CMTM3: variants seen among roughly 807,000 people sequenced by gnomAD.
The protein encoded by CMTM3 is CKLF-like MARVEL transmembrane domain-containing protein 3.
A neutral mutation model predicts 18.2 loss-of-function variants in CMTM3; 7 were observed. That is an observed-to-expected ratio of 0.38 (90% CI 0.22 to 0.72). The LOEUF (loss-of-function observed/expected upper bound fraction) is 0.72, where lower values mean the gene tolerates loss of function less well. CMTM3 is among the 30% of genes least tolerant of loss of function. The pLI is 0.46. For synonymous variants in CMTM3, 109 were observed against 111.2 expected, an observed-to-expected ratio of 0.98 and a Z score of 0.12; for missense variants, 227 against 249.2, an observed-to-expected ratio of 0.91 and a Z score of 0.60.
rs981896521 is a variant in CMTM3 at position 66,613,826 on chromosome 16, C to T, written c.*1189C>T. ...ATCAGGCTTCAGTACAAACTGGTAACACCAATGTGGATCCTGACAGCTTTC... is the reference window on the plus strand; with the variant it reads ...ATCAGGCTTCAGTACAAACTGGTAATACCAATGTGGATCCTGACAGCTTTC... On this transcript the variant is annotated 3_prime_UTR_variant, in exon 5 of 5. Coordinates refer to ENST00000567572, the MANE Select transcript of CMTM3 (RefSeq NM_181553.4). 1.3e-5 allele frequency: 2 copies of T among 152,090 alleles called. No homozygotes were observed. The highest frequency in any genetic ancestry group is 2.9e-5 in the Non-Finnish European group (2 of 68,004). 9.4% of individuals were successfully genotyped at this position (152,090 alleles called of 1,614,324 possible).
rs2144730433 is a variant in CMTM3 at position 66,605,518 on chromosome 16, G to C, written c.147+566G>C. ...CCCTCGCCCCCACCCCGGCCGGTGG[G>C]GCTTCTTTGTCCTCTGGACACCGGA... On this transcript the variant is annotated intron_variant, in intron 1 of 4. Coordinates refer to ENST00000567572, the MANE Select transcript of CMTM3 (RefSeq NM_181553.4). This position sits in a 1 kb window ranked among gnomAD's most constrained non-coding sequence, Gnocchi z 4.6. The C allele has an allele frequency of 6.6e-6, 1 of 152,562 alleles. No homozygotes were observed. Among genetic ancestry groups the C allele is most frequent in the Admixed American group, 6.5e-5 (1 of 15,316 alleles). 9.5% of individuals were successfully genotyped at this position (152,562 alleles called of 1,614,324 possible). A position where few individuals can be genotyped will look rare whatever the true frequency, so the allele number is the denominator to read the frequency against.
In CMTM3 at chr16:66,612,331, C is replaced by T. The variant is rs957755138; in HGVS notation, c.521-278C>T. 6.6e-6 allele frequency among the ~76,000 whole-genome samples: 1 copy of T among 151,994 alleles called. No individual in the cohort carries two copies. ...AGGAAGTTGCAGTGAGTCGAGATCC[C>T]GCCATTGCACTCCAGCCTGGGTGAT... On this transcript the variant is annotated intron_variant, in intron 4 of 4. Coordinates refer to ENST00000567572, the MANE Select transcript of CMTM3 (RefSeq NM_181553.4). The surrounding 1 kb of genome is among the most constrained non-coding windows in gnomAD (Gnocchi z 6.0).
Position 66,605,127 on chromosome 16 carries a change from A to C in CMTM3, c.147+175A>C. 1.4e-5 allele frequency: 7 copies of C among 505,412 alleles called. No homozygotes were observed. The highest frequency in any genetic ancestry group is 2.1e-5 in the African/African-American group (1 of 48,754). 31.3% of individuals were successfully genotyped at this position (505,412 alleles called of 1,614,324 possible). A position where few individuals can be genotyped will look rare whatever the true frequency, so the allele number is the denominator to read the frequency against. On this transcript the variant is annotated intron_variant, in intron 1 of 4. Transcript: ENST00000567572. The surrounding 1 kb of genome is among the most constrained non-coding windows in gnomAD (Gnocchi z 4.6). ...GGCGAAGTTGGGTCGAGGTCCCCAA[A>C]CTTTGGACGGCGGGGCGGGGCCCGA...
chr16:66,612,401 AAG>A lies in CMTM3; in HGVS notation c.521-198_521-197del, dbSNP rs922225945. Among the ~76,000 whole-genome samples, 1 of 151,976 alleles carries A rather than the reference AAG, an allele frequency of 6.6e-6. No homozygotes were observed. Among genetic ancestry groups the A allele is most frequent in the Non-Finnish European group, 1.5e-5 (1 of 67,960 alleles). ...AGACAAAAAACAACAACAAAAAAAA[AAG>A]AGAGAGAGAAAGTGGCTGCTGCCTG... On this transcript the variant is annotated intron_variant, in intron 4 of 4. Coordinates refer to ENST00000567572, the MANE Select transcript of CMTM3 (RefSeq NM_181553.4). The surrounding 1 kb of genome is among the most constrained non-coding windows in gnomAD (Gnocchi z 6.0).
In CMTM3 at chr16:66,610,220, A is replaced by G. The variant is rs2015325587; in HGVS notation, c.520+217A>G. Among the ~76,000 whole-genome samples, 1 of 152,106 alleles carries G rather than the reference A, an allele frequency of 6.6e-6. No individual in the cohort carries two copies. On this transcript the variant is annotated intron_variant, in intron 4 of 4. Transcript: ENST00000567572. This position sits in a 1 kb window ranked among gnomAD's most constrained non-coding sequence, Gnocchi z 4.6. ...TCACCCCAGCCTTTCTAGGAGGGGC[A>G]AGCAGTGGGCATGGCTGAGCCTCAG...
At chr16:66,606,998 G>A (rs1472554397) in intron 1 of CMTM3, among the ~76,000 whole-genome samples, 1 of 152,182 alleles carries the variant, frequency 6.6e-6, no homozygotes. Context: ...CATCTCTGGG[G>A]CGGAGGTAAG....
intron 1 of CMTM3, 32 bp downstream of exon 1, chr16:66,604,984 T>C: frequency 6.9e-7 from 1 of 1,448,378 alleles, no homozygotes; most frequent in Non-Finnish European, 9.0e-7. Context: ...GCCGCCCCGC[T>C]AGGACTGCGC....
intron 1 of CMTM3, among the ~76,000 whole-genome samples, chr16:66,607,957 C>T (rs1399384401): frequency 6.6e-6 from 1 of 152,016 alleles, no homozygotes; most frequent in East Asian, 1.9e-4. Context: ...GTGATCCTCC[C>T]ACCTCAGCCT....
chr16:66,606,528 T>C (rs1463782212), intron 1 of CMTM3, among the ~76,000 whole-genome samples: 1 of 152,054 alleles, frequency 6.6e-6, no homozygotes, highest in East Asian at 1.9e-4. Context: ...ATCCCTGCAG[T>C]TCATTTGTCT....
chr16:66,608,326 T>C lies in CMTM3; in HGVS notation c.165T>C (p.Thr55=). 1.2e-5 allele frequency: 19 copies of C among 1,614,206 alleles called. No individual in the cohort carries two copies. The highest frequency in any genetic ancestry group is 1.6e-5 in the Non-Finnish European group (19 of 1,180,030). The change falls in exon 2 of 5, where the codon ACT becomes ACC. Residue 55 remains threonine (T), a synonymous_variant. Coordinates refer to ENST00000567572, the MANE Select transcript of CMTM3 (RefSeq NM_181553.4). This position sits in a 1 kb window ranked among gnomAD's most constrained non-coding sequence, Gnocchi z 5.1. ...LLAESGLSFI[T]FICYVASSAS... is the part of the protein sequence containing the mutation. ...CCCCGCAGGGTCTCTCATTCATCACTTTTATCTGCTATGTGGCGTCCTCAG... is the reference window on the plus strand; with the variant it reads ...CCCCGCAGGGTCTCTCATTCATCACCTTTATCTGCTATGTGGCGTCCTCAG...
At position 66,605,002 on chromosome 16, in the gene CMTM3, T is replaced by TTC; in HGVS notation, c.147+51_147+52dup. ...GCCCCGCTAGGACTGCGCGGCTCCT[T>TTC]TCGGAGGAGGACGTCGGGGCGCGGG... On this transcript the variant is annotated intron_variant, in intron 1 of 4. Coordinates refer to ENST00000567572, the MANE Select transcript of CMTM3 (RefSeq NM_181553.4). This position sits in a 1 kb window ranked among gnomAD's most constrained non-coding sequence, Gnocchi z 4.6. The TTC allele has an allele frequency of 7.2e-7, 1 of 1,395,042 alleles. No homozygotes were observed. Among genetic ancestry groups the TTC allele is most frequent in the Non-Finnish European group, 9.3e-7 (1 of 1,080,040 alleles). The allele number at this position is 1,395,042 out of a possible 1,614,324, so 86.4% of individuals were successfully genotyped here. A position where few individuals can be genotyped will look rare whatever the true frequency, so the allele number is the denominator to read the frequency against.
rs2015277137 is a variant in CMTM3, at chr16:66,609,263, C to T, written c.304-172C>T. On this transcript the variant is annotated intron_variant, in intron 2 of 4. Transcript: ENST00000567572. This position sits in a 1 kb window ranked among gnomAD's most constrained non-coding sequence, Gnocchi z 4.4. Reference sequence around the variant, plus strand: ...GCAGTGTCAGCTGCTGGCAAGGCAGCAGAGGCACCTCGGGGGTGGGACAAG... The same window carrying T: ...GCAGTGTCAGCTGCTGGCAAGGCAGTAGAGGCACCTCGGGGGTGGGACAAG... The T allele has an allele frequency of 9.8e-6, 6 of 611,600 alleles. No individual in the cohort carries two copies. The highest frequency in any genetic ancestry group is 1.7e-5 in the Non-Finnish European group (6 of 346,710). The allele number at this position is 611,600 out of a possible 1,614,324, so 37.9% of individuals were successfully genotyped here.
chr16:66,604,352 C>G (rs1172379262), upstream of CMTM3: 1 of 153,846 alleles, frequency 6.5e-6, no homozygotes, highest in African/African-American at 2.4e-5. Flanking sequence ...GCATGGGTTG[C>G]GGAGCCGACA....
chr16:66,606,633 G>C (rs1032038049), intron 1 of CMTM3, among the ~76,000 whole-genome samples: 2 of 152,152 alleles, frequency 1.3e-5, no homozygotes, highest in African/African-American at 4.8e-5. Context: ...ATGTTCAAAC[G>C]CAGCCACAGT....
Position 66,609,819 on chromosome 16 carries a change from G to A in CMTM3, c.400-64G>A. On this transcript the variant is annotated intron_variant, in intron 3 of 4. Transcript: ENST00000567572. The surrounding 1 kb of genome is among the most constrained non-coding windows in gnomAD (Gnocchi z 4.4). The stretch of plus-strand genomic sequence containing the variant: ...CAGATCTGAAATGGGCCGTGAGGCT[G>A]GGGCAGCAGCCTCCCGGAGCAGGGA... 1 of 1,614,098 alleles carries A rather than the reference G, an allele frequency of 6.2e-7. No individual in the cohort carries two copies. The highest frequency in any genetic ancestry group is 8.5e-7 in the Non-Finnish European group (1 of 1,179,974).
At chr16:66,611,326 G>A (rs979843244) in intron 4 of CMTM3, among the ~76,000 whole-genome samples, 2 of 152,050 alleles carry the variant, frequency 1.3e-5, no homozygotes, top group African/African-American at 2.4e-5. Flanking sequence ...GGTGGTGCCC[G>A]CCTGTAATCC....
At chr16:66,611,473 A>G (rs540953552) in intron 4 of CMTM3, among the ~76,000 whole-genome samples, 2 of 152,180 alleles carry the variant, frequency 1.3e-5, no homozygotes, top group South Asian at 2.1e-4. Context: ...GAATATAGCA[A>G]AACCCACAAA....
chr16:66,607,513 C>T (rs1430707790), intron 1 of CMTM3, among the ~76,000 whole-genome samples: 1 of 152,174 alleles, frequency 6.6e-6, no homozygotes, highest in Non-Finnish European at 1.5e-5. Flanking sequence ...TCTTTTAACA[C>T]AAAATAAATT....
rs933652446 is a variant in CMTM3, at chr16:66,608,641, T to G, written c.303+177T>G. Among the ~76,000 whole-genome samples, 3 of 152,182 alleles carry G rather than the reference T, an allele frequency of 2.0e-5. No individual in the cohort carries two copies. The highest frequency in any genetic ancestry group is 2.9e-5 in the Non-Finnish European group (2 of 68,026). On this transcript the variant is annotated intron_variant, in intron 2 of 4. Coordinates refer to ENST00000567572, the MANE Select transcript of CMTM3 (RefSeq NM_181553.4). This position sits in a 1 kb window ranked among gnomAD's most constrained non-coding sequence, Gnocchi z 5.1. ...TCCCAGCTCCACTACTCAGCAGCCC[T>G]GTGACCTCAAGTGGGCTGTGGTGCC...
Sources: gnomAD v4.1 joint callset for allele counts (sites outside exome capture counted in the v4.1 genomes callset) on GRCh38, gnomAD v4.1.1 for gene constraint, Gnocchi (gnomAD v3.1) non-coding constraint, MANE v1.5 for transcripts, NCBI Gene and HGNC (gene_info 2026-07-23, HGNC 2026-07-21) for gene names.